ADCY2: variants seen among roughly 807,000 people sequenced by gnomAD.
ADCY2 encodes adenylate cyclase 2.
ADCY2 carries 31 observed loss-of-function variants against 125.2 expected under a neutral mutation model. The observed-to-expected ratio is 0.25, with a 90% confidence interval of 0.19 to 0.33. The LOEUF (loss-of-function observed/expected upper bound fraction) is 0.33. Among genes scored for constraint, ADCY2 ranks in the 10% least tolerant of loss-of-function variants. ADCY2 has a pLI of 1.00. For missense variants in ADCY2, 904 were observed against 1,418.2 expected (o/e 0.64, Z 5.82); for synonymous variants, 512 against 548.4 (o/e 0.93, Z 0.93).
At chr5:7,507,732 C>T (rs1275484060) in intron 2 of ADCY2, among the ~76,000 whole-genome samples, 1 of 152,096 alleles carries the variant, frequency 6.6e-6, no homozygotes, top group Non-Finnish European at 1.5e-5. Context: ...GATGGATTCT[C>T]AAGGTTCTGT....
intron 4 of ADCY2, among the ~76,000 whole-genome samples, chr5:7,672,638 T>A (rs546067819): frequency 6.6e-6 from 1 of 152,330 alleles, no homozygotes; most frequent in East Asian, 1.9e-4. Flanking sequence ...TAGCTGGGAT[T>A]ACAGGTGTGA....
intron 3 of ADCY2, among the ~76,000 whole-genome samples, chr5:7,567,351 A>T (rs1409243280): frequency 6.6e-6 from 1 of 152,072 alleles, no homozygotes; most frequent in Non-Finnish European, 1.5e-5. Context: ...TCTGCAATGG[A>T]TTTTAGCATT....
At chr5:7,755,893 C>T (rs1468486173) in intron 15 of ADCY2, among the ~76,000 whole-genome samples, 1 of 152,212 alleles carries the variant, frequency 6.6e-6, no homozygotes, top group Non-Finnish European at 1.5e-5. Context: ...CCTATTTGTG[C>T]TGTTCAGGAA....
chr5:7,776,838 C>G (rs1167475746), intron 18 of ADCY2, among the ~76,000 whole-genome samples: 2 of 152,196 alleles, frequency 1.3e-5, no homozygotes, highest in Non-Finnish European at 2.9e-5. Context: ...CAAACTCCAA[C>G]ATCAAAGGTT....
At chr5:7,818,241 C>T (rs914382651) in intron 23 of ADCY2, among the ~76,000 whole-genome samples, 4 of 152,134 alleles carry the variant, frequency 2.6e-5, no homozygotes, top group African/African-American at 9.7e-5. Context: ...ATGGGTATGT[C>T]CTGAATGTCA....
At chr5:7,578,702 G>A (rs1411100072) in intron 3 of ADCY2, among the ~76,000 whole-genome samples, 1 of 152,142 alleles carries the variant, frequency 6.6e-6, no homozygotes, top group East Asian at 1.9e-4. Context: ...AGGCTCCTCT[G>A]TATTTCTAGT....
At chr5:7,794,395 C>T (rs1283201126) in intron 20 of ADCY2, 1 of 152,210 alleles carries the variant, frequency 6.6e-6, no homozygotes, top group Non-Finnish European at 1.5e-5. Flanking sequence ...TCCTCAAGGA[C>T]CCTGTACTCC....
intron 2 of ADCY2, among the ~76,000 whole-genome samples, chr5:7,429,711 C>A (rs1740519992): frequency 6.6e-6 from 1 of 152,124 alleles, no homozygotes; most frequent in Non-Finnish European, 1.5e-5. Context: ...ATCTTGAATT[C>A]AATGAAATGA....
At chr5:7,738,617 GCCATATACTCT>G (rs763041236) in intron 14 of ADCY2, among the ~76,000 whole-genome samples, 3 of 151,898 alleles carry the variant, frequency 2.0e-5, no homozygotes, top group Non-Finnish European at 4.4e-5. Flanking sequence ...GTATGACCAA[GCCATATACTCT>G]CTACAAGAGA....
intron 3 of ADCY2, among the ~76,000 whole-genome samples, chr5:7,538,461 A>T (rs1734892217): frequency 6.6e-6 from 1 of 152,144 alleles, no homozygotes. Context: ...GTGGCTGTTT[A>T]TTAGGTTATG....
intron 2 of ADCY2, among the ~76,000 whole-genome samples, chr5:7,517,002 G>C (rs10462841): frequency 0.16 from 23,953 of 151,960 alleles, 2,050 homozygotes; most frequent in South Asian, 0.26. Context: ...GGAGACAGAG[G>C]CATTATGGGC....
At chr5:7,641,631 G>A (rs1738716252) in intron 4 of ADCY2, among the ~76,000 whole-genome samples, 1 of 152,074 alleles carries the variant, frequency 6.6e-6, no homozygotes, top group Non-Finnish European at 1.5e-5. Context: ...CAGGTACTGA[G>A]CATAGCACAC....
At chr5:7,704,172 C>T (rs1397487378) in intron 7 of ADCY2, among the ~76,000 whole-genome samples, 2 of 152,034 alleles carry the variant, frequency 1.3e-5, no homozygotes, top group African/African-American at 2.4e-5. Context: ...GGGTACCAGA[C>T]AGGAATTTTC....
chr5:7,771,262 A>G (rs966095701), intron 17 of ADCY2, among the ~76,000 whole-genome samples: 2 of 152,118 alleles, frequency 1.3e-5, no homozygotes, highest in African/African-American at 4.8e-5. Context: ...CTATTGTTTT[A>G]CTACATTAAC....
chr5:7,766,436 T>C (rs553990869), intron 16 of ADCY2, among the ~76,000 whole-genome samples: 1 of 152,334 alleles, frequency 6.6e-6, no homozygotes, highest in African/African-American at 2.4e-5. Flanking sequence ...CAGAGCTTTG[T>C]GTACTTTTAA....
intron 4 of ADCY2, among the ~76,000 whole-genome samples, chr5:7,651,889 G>A (rs749593206): frequency 4.6e-5 from 7 of 152,096 alleles, no homozygotes; most frequent in East Asian, 1.9e-4. Context: ...TGTAACCTGC[G>A]CCTCCTGGGT....
Position 7,534,975 on chromosome 5 carries a change from T to G in ADCY2, c.570+14076T>G, listed in dbSNP as rs150959949. On this transcript the variant is annotated intron_variant, in intron 3 of 24. Transcript: ENST00000338316. Reference sequence around the variant, plus strand: ...ATGTGTTTCCCACCTCTCCTTCTGTTGCACATTCCCTGGGCCTTGAGATGA... The same window carrying G: ...ATGTGTTTCCCACCTCTCCTTCTGTGGCACATTCCCTGGGCCTTGAGATGA... Among the ~76,000 whole-genome samples, 8 of 152,338 alleles carry G rather than the reference T, an allele frequency of 5.3e-5. No homozygotes were observed. In the East Asian group the frequency reaches 1.5e-3, roughly 29 times the overall value.
intron 12 of ADCY2, among the ~76,000 whole-genome samples, chr5:7,721,199 T>C (rs1221109448): frequency 2.0e-5 from 3 of 152,238 alleles, no homozygotes; most frequent in Non-Finnish European, 2.9e-5. Context: ...TGTCTTCTTT[T>C]GAGAAGTGTC....
chr5:7,539,491 TTAGCCA>T (rs1734927237), intron 3 of ADCY2, among the ~76,000 whole-genome samples: 1 of 152,228 alleles, frequency 6.6e-6, no homozygotes, highest in Admixed American at 6.5e-5. Flanking sequence ...CACTAAATAA[TTAGCCA>T]TAGTCAAGTC....
Sources: gnomAD v4.1 joint callset for allele counts (sites outside exome capture counted in the v4.1 genomes callset) on GRCh38, gnomAD v4.1.1 for gene constraint, MANE v1.5 for transcripts, NCBI Gene and HGNC (gene_info 2026-07-23, HGNC 2026-07-21) for gene names.